The following LRCH2 variants were observed in gnomAD, a reference collection of about 807,000 sequenced individuals.
LRCH2 encodes the protein leucine rich repeats and calponin homology domain containing 2, also known as leucine-rich repeat and calponin homology domain-containing protein 2.
LRCH2 carries 38 observed loss-of-function variants against 68.9 expected under a neutral mutation model. That is an observed-to-expected ratio of 0.55 (90% CI 0.43 to 0.72). The LOEUF is 0.72. Ranked by LOEUF, LRCH2 falls within the 30% of genes least tolerant of loss-of-function variation. The pLI is 0.00. For synonymous variants in LRCH2, 191 were observed against 208.1 expected, an observed-to-expected ratio of 0.92 and a Z score of 0.71; for missense variants, 528 against 572.9, an observed-to-expected ratio of 0.92 and a Z score of 0.80.
chrX:115,191,023 G>A lies in LRCH2; in HGVS notation c.350-2653C>T, dbSNP rs913173566. ...TGCCAACAGCGGAGGCCGTTCACCC[G>A]ACACCCACAGTGGGGGCCACAGCAG... On this transcript the variant is annotated intron_variant, in intron 1 of 20. Coordinates refer to ENST00000317135, the MANE Select transcript of LRCH2 (RefSeq NM_020871.4). The A allele has an allele frequency of 1.4e-5, 16 of 1,159,452 alleles. No homozygotes were observed. The Admixed American group carries it at 1.6e-4, about 12-fold the overall frequency.
chrX:115,217,329 T>A (rs1379055321), intron 1 of LRCH2, among the ~76,000 whole-genome samples: 3 of 111,115 alleles, frequency 2.7e-5, no homozygotes, highest in African/African-American at 9.8e-5. Context: ...GCAGCACCCA[T>A]CAACCCATCA....
chrX:115,183,626 G>A (rs782404048), intron 3 of LRCH2, among the ~76,000 whole-genome samples: 47 of 110,904 alleles, frequency 4.2e-4, no homozygotes, highest in Non-Finnish European at 4.7e-4. Context: ...CCTGGGAGGC[G>A]GAGGTTGCAG....
chrX:115,174,215 G>A (rs1009574137), intron 5 of LRCH2, among the ~76,000 whole-genome samples: 2 of 111,488 alleles, frequency 1.8e-5, no homozygotes, highest in Non-Finnish European at 3.8e-5. Context: ...CCTTGTTTGT[G>A]TGTGTAGTGA....
At chrX:115,223,222 G>T (rs781847220) in intron 1 of LRCH2, among the ~76,000 whole-genome samples, 2 of 111,191 alleles carry the variant, frequency 1.8e-5, no homozygotes, top group South Asian at 7.5e-4. Context: ...AAAAATGAAA[G>T]AGCTAAAACT....
At chrX:115,128,924 C>T (rs2072220556) in intron 15 of LRCH2, among the ~76,000 whole-genome samples, 1 of 111,940 alleles carries the variant, frequency 8.9e-6, no homozygotes, top group African/African-American at 3.2e-5. Context: ...ACCCAGGCGA[C>T]AGTATTGTCT....
At chrX:115,116,907 C>T (rs1471817255) in intron 20 of LRCH2, among the ~76,000 whole-genome samples, 1 of 110,585 alleles carries the variant, frequency 9.0e-6, no homozygotes, top group Non-Finnish European at 1.9e-5. Context: ...AAAGCACAGC[C>T]CATTTTAAAA....
chrX:115,184,586 C>G lies in LRCH2; in HGVS notation c.495-49G>C, dbSNP rs373168498. ...TTACGAGAATATGTATGTAATGTGA[C>G]ATATTAAAAACGAAGAAATCACTTT... On this transcript the variant is annotated intron_variant, in intron 2 of 20. Coordinates refer to ENST00000317135, the MANE Select transcript of LRCH2 (RefSeq NM_020871.4). 72 of 1,018,549 alleles carry G rather than the reference C, an allele frequency of 7.1e-5. 1 individual carries two copies. In the African/African-American group the frequency reaches 1.3e-3, roughly 19 times the overall value. 83.9% of individuals were successfully genotyped at this position (1,018,549 alleles called of 1,213,427 possible). A position where few individuals can be genotyped will look rare whatever the true frequency, so the allele number is the denominator to read the frequency against.
At chrX:115,119,231 C>T (rs1372342523) in intron 20 of LRCH2, among the ~76,000 whole-genome samples, 1 of 110,025 alleles carries the variant, frequency 9.1e-6, no homozygotes, top group East Asian at 2.8e-4. Context: ...GTCAAATTGT[C>T]CCTGTTTGCA....
chrX:115,157,599 A>G (rs1247234793), intron 11 of LRCH2, among the ~76,000 whole-genome samples: 6 of 108,314 alleles, frequency 5.5e-5, no homozygotes, highest in Admixed American at 5.1e-4. Context: ...AGTATCACAC[A>G]CCAATCAGTG....
At chrX:115,165,370 C>G in intron 10 of LRCH2, 35 bp downstream of exon 10, 1 of 992,705 alleles carries the variant, frequency 1.0e-6, no homozygotes, top group Non-Finnish European at 1.4e-6. Context: ...GGCTCAAGGG[C>G]TTATAAATAA....
At chrX:115,220,322 A>G (rs910560489) in intron 1 of LRCH2, among the ~76,000 whole-genome samples, 7 of 112,612 alleles carry the variant, frequency 6.2e-5, no homozygotes, top group African/African-American at 2.3e-4. Flanking sequence ...GAAGAAGAGT[A>G]TACAATAGAC....
intron 14 of LRCH2, among the ~76,000 whole-genome samples, chrX:115,132,702 C>T (rs2072256860): frequency 9.0e-6 from 1 of 111,614 alleles, no homozygotes; most frequent in Non-Finnish European, 1.9e-5. Flanking sequence ...ATGCCTTCAA[C>T]CCAGTGTGCC....
At chrX:115,156,756 T>C in intron 11 of LRCH2, 89 bp from the exon 12 acceptor site, 1 of 480,079 alleles carries the variant, frequency 2.1e-6, no homozygotes. Context: ...AAACTGCATC[T>C]GGTCCTTGAA....
In LRCH2 at chrX:115,165,660, G is replaced by A. The variant is rs782226695; in HGVS notation, c.1199-5C>T. On this transcript the variant is annotated splice_polypyrimidine_tract_variant and splice_region_variant and intron_variant, in intron 8 of 20. Coordinates refer to ENST00000317135, the MANE Select transcript of LRCH2 (RefSeq NM_020871.4). ...CAAAATCATATACCTCCTGGTCTAGGTACAGATTAATATTTATTAGAAAAT... is the reference window on the plus strand; with the variant it reads ...CAAAATCATATACCTCCTGGTCTAGATACAGATTAATATTTATTAGAAAAT... The A allele has an allele frequency of 1.4e-5, 16 of 1,109,387 alleles. No homozygotes were observed. The highest frequency in any genetic ancestry group is 1.3e-4 in the East Asian group (4 of 30,673). 91.4% of individuals were successfully genotyped at this position (1,109,387 alleles called of 1,213,427 possible). A position where few individuals can be genotyped will look rare whatever the true frequency, so the allele number is the denominator to read the frequency against.
At chrX:115,188,657 C>T (rs1460882916) in intron 1 of LRCH2, among the ~76,000 whole-genome samples, 2 of 111,096 alleles carry the variant, frequency 1.8e-5, no homozygotes, top group African/African-American at 6.6e-5. Flanking sequence ...ATGGCGAAAT[C>T]CTGTGTCTAC....
intron 1 of LRCH2, among the ~76,000 whole-genome samples, chrX:115,215,259 A>G (rs1032816774): frequency 1.2e-4 from 13 of 111,773 alleles, no homozygotes; most frequent in African/African-American, 4.2e-4. Flanking sequence ...TTCACACATG[A>G]AAGATTTCTA....
chrX:115,135,336 C>T (rs1472800413), intron 14 of LRCH2, among the ~76,000 whole-genome samples: 5 of 108,257 alleles, frequency 4.6e-5, no homozygotes, highest in Admixed American at 1.0e-4. Flanking sequence ...TGCCATTGGC[C>T]CAAGCTGGTC....
intron 1 of LRCH2, chrX:115,192,671 T>C (rs1448998256): frequency 1.4e-5 from 16 of 1,154,902 alleles, no homozygotes; most frequent in Non-Finnish European, 1.9e-5. Context: ...GGCCCAAAAA[T>C]TCCTTTTCAA....
At chrX:115,202,769 G>GT (rs2072939147) in intron 1 of LRCH2, among the ~76,000 whole-genome samples, 1 of 111,812 alleles carries the variant, frequency 8.9e-6, no homozygotes, top group African/African-American at 3.2e-5. Context: ...TCCATACAAT[G>GT]GAATAGCTTC....
Sources: allele counts gnomAD v4.1 joint callset (sites outside exome capture counted in the v4.1 genomes callset), GRCh38; gene constraint gnomAD v4.1.1; transcripts MANE v1.5; gene names NCBI Gene and HGNC (gene_info 2026-07-23, HGNC 2026-07-21).